Variants in CKAP2L observed in about 807,000 individuals in gnomAD.
CKAP2L encodes the protein cytoskeleton-associated protein 2-like.
CKAP2L carries 42 observed loss-of-function variants against 65.7 expected under a neutral mutation model. The observed-to-expected ratio is 0.64, with a 90% CI of 0.50 to 0.83. The LOEUF is 0.83. CKAP2L is among the 40% of genes least tolerant of loss of function. The pLI, the probability that CKAP2L is intolerant of heterozygous loss-of-function variation, is 0.00. For synonymous variants in CKAP2L, 325 were observed against 313.5 expected (o/e 1.04, Z -0.39); for missense variants, 908 against 871.0 (o/e 1.04, Z -0.53).
chr2:112,738,570 G>C lies in CKAP2L; in HGVS notation c.*253C>G. 2.1e-6 allele frequency: 1 copy of C among 483,980 alleles called. No homozygotes were observed. The highest frequency in any genetic ancestry group is 3.7e-6 in the Non-Finnish European group (1 of 271,970). The allele number at this position is 483,980 out of a possible 1,614,324, so 30.0% of individuals were successfully genotyped here. On this transcript the variant is annotated 3_prime_UTR_variant, in exon 9 of 9. Transcript: ENST00000302450. Reference sequence around the variant, plus strand: ...CAATAAAGTATAAATATTTATCATAGTTGTAGGGTAAATATTCAAAAGTTT... The same window carrying C: ...CAATAAAGTATAAATATTTATCATACTTGTAGGGTAAATATTCAAAAGTTT...
chr2:112,743,203 C>T (rs1173350341), intron 6 of CKAP2L, among the ~76,000 whole-genome samples: 1 of 151,738 alleles, frequency 6.6e-6, no homozygotes, highest in Non-Finnish European at 1.5e-5. Flanking sequence ...AGTGCAGTGG[C>T]GCGATCTCGG....
In CKAP2L at chr2:112,756,739, G is replaced by A; in HGVS notation, c.632C>T (p.Thr211Ile). 2 of 1,599,230 alleles carry A rather than the reference G, an allele frequency of 1.3e-6. No homozygotes were observed. The highest frequency in any genetic ancestry group is 1.7e-6 in the Non-Finnish European group (2 of 1,175,342). The change falls in exon 4 of 9, where the codon ACT (threonine) becomes ATT (isoleucine). Residue 211 changes from threonine (T) to isoleucine (I), a missense_variant. By Grantham distance (89) the Thr-to-Ile change is moderately conservative (BLOSUM62 -1). Transcript: ENST00000302450. ...GTTCTTGGTTTGATTATAAGAGTCA[G>A]TCTTTGGCTTACTTCTGGTATATAA... ...PKLYTRSKPK[T>I]DSYNQTKNSL...
intron 5 of CKAP2L, among the ~76,000 whole-genome samples, chr2:112,748,923 C>A (rs1216151136): frequency 6.6e-6 from 1 of 150,708 alleles, no homozygotes; most frequent in Admixed American, 6.6e-5. Context: ...ATATATTCTG[C>A]AAATCATGTT....
chr2:112,753,695 T>G (rs1490689399), intron 4 of CKAP2L, among the ~76,000 whole-genome samples: 1 of 151,908 alleles, frequency 6.6e-6, no homozygotes, highest in East Asian at 1.9e-4. Context: ...ACCCGGCTAA[T>G]TTTTGTATTT....
intron 6 of CKAP2L, among the ~76,000 whole-genome samples, chr2:112,744,195 T>C (rs1029331821): frequency 6.6e-6 from 1 of 152,224 alleles, no homozygotes. Context: ...TTCTAATCTC[T>C]CTTGAAAATC....
At chr2:112,743,367 C>T (rs1411201868) in intron 6 of CKAP2L, among the ~76,000 whole-genome samples, 2 of 152,066 alleles carry the variant, frequency 1.3e-5, no homozygotes, top group Non-Finnish European at 2.9e-5. Flanking sequence ...TGGTCTCGAT[C>T]TCCTGACATC....
intron 8 of CKAP2L, 61 bp from the exon 9 acceptor site, chr2:112,739,109 T>C: frequency 7.8e-7 from 1 of 1,284,036 alleles, no homozygotes; most frequent in Non-Finnish European, 1.1e-6. Flanking sequence ...TCTTTATTAT[T>C]TTTTGTTTCT....
At chr2:112,755,007 G>A (rs1023993279) in intron 4 of CKAP2L, among the ~76,000 whole-genome samples, 1 of 152,170 alleles carries the variant, frequency 6.6e-6, no homozygotes, top group African/African-American at 2.4e-5. Context: ...TTTACTTACT[G>A]TCTCTTCAGG....
Position 112,738,611 on chromosome 2 carries a change from T to C in CKAP2L, c.*212A>G, listed in dbSNP as rs551638582. 3 of 572,708 alleles carry C rather than the reference T, an allele frequency of 5.2e-6. No individual in the cohort carries two copies. The highest frequency in any genetic ancestry group is 9.3e-6 in the Non-Finnish European group (3 of 323,822). The allele number at this position is 572,708 out of a possible 1,614,324, so 35.5% of individuals were successfully genotyped here. A position where few individuals can be genotyped will look rare whatever the true frequency, so the allele number is the denominator to read the frequency against. On this transcript the variant is annotated 3_prime_UTR_variant, in exon 9 of 9. Coordinates refer to ENST00000302450, the MANE Select transcript of CKAP2L (RefSeq NM_152515.5). ...TCAAAAGTTTGAAATTTATGTATACTGTAAAACTGGCAAACTGGTCTTAAA... is the reference window on the plus strand; with the variant it reads ...TCAAAAGTTTGAAATTTATGTATACCGTAAAACTGGCAAACTGGTCTTAAA...
intron 5 of CKAP2L, among the ~76,000 whole-genome samples, chr2:112,748,430 C>A (rs921194788): frequency 9.2e-5 from 13 of 140,942 alleles, no homozygotes; most frequent in African/African-American, 3.0e-4. Context: ...GAAATTTCCC[C>A]CAGCCAAACT....
chr2:112,764,526 A>G (rs1680840894), intron 1 of CKAP2L, 36 bp downstream of exon 1: 1 of 1,612,922 alleles, frequency 6.2e-7, no homozygotes, highest in Non-Finnish European at 8.5e-7. Context: ...CCGTGTTCCA[A>G]CGCCTGAGAA....
chr2:112,742,507 T>C (rs1370229217), intron 7 of CKAP2L, 199 bp downstream of exon 7: 11 of 718,814 alleles, frequency 1.5e-5, no homozygotes, highest in Non-Finnish European at 2.6e-5. Context: ...ACAACCTTTG[T>C]TCAGTATTGA....
At chr2:112,741,748 G>A (rs887038592) in intron 7 of CKAP2L, among the ~76,000 whole-genome samples, 9 of 151,954 alleles carry the variant, frequency 5.9e-5, no homozygotes, top group African/African-American at 2.2e-4. Flanking sequence ...TGACTTGATT[G>A]TTCCCCAGTT....
chr2:112,764,424 G>A (rs1025645055), intron 1 of CKAP2L, 138 bp downstream of exon 1: 11 of 950,312 alleles, frequency 1.2e-5, no homozygotes, highest in Non-Finnish European at 1.8e-5. Context: ...CTGCGCTCCC[G>A]GGATGGAAAA....
chr2:112,759,317 T>C (rs1367585618), intron 3 of CKAP2L, among the ~76,000 whole-genome samples: 6 of 152,220 alleles, frequency 3.9e-5, no homozygotes, highest in Non-Finnish European at 8.8e-5. Flanking sequence ...AGGTAATGTA[T>C]ATAAACATGT....
At chr2:112,742,276 T>G in intron 7 of CKAP2L, 1 of 674,972 alleles carries the variant, frequency 1.5e-6, no homozygotes, top group African/African-American at 1.8e-5. Context: ...TTATGACCAC[T>G]GACAGTGATG....
At chr2:112,752,030 A>T (rs1680384982) in intron 5 of CKAP2L, among the ~76,000 whole-genome samples, 1 of 152,180 alleles carries the variant, frequency 6.6e-6, no homozygotes. Flanking sequence ...TAAAGTGGTC[A>T]TAGTAACAGT....
chr2:112,738,039 T>A lies in CKAP2L; in HGVS notation c.*784A>T, dbSNP rs1191607670. The A allele has an allele frequency of 6.6e-6, 1 of 152,096 alleles. No homozygotes were observed. Among genetic ancestry groups the A allele is most frequent in the Non-Finnish European group, 1.5e-5 (1 of 68,014 alleles). The allele number at this position is 152,096 out of a possible 1,614,324, so 9.4% of individuals were successfully genotyped here. ...AGGAAGAAAAAGCAACCTACAACAG[T>A]CTCTGGGGCTTGCACTGCCTTCTCA... On this transcript the variant is annotated 3_prime_UTR_variant, in exon 9 of 9. Transcript: ENST00000302450.
At chr2:112,761,374 T>C (rs1432577870) in intron 2 of CKAP2L, among the ~76,000 whole-genome samples, 1 of 139,378 alleles carries the variant, frequency 7.2e-6, no homozygotes, top group Non-Finnish European at 1.5e-5. Context: ...GGCAGGAAAA[T>C]GGCGTGAAAC....
Sources: gnomAD v4.1 joint callset for allele counts (sites outside exome capture counted in the v4.1 genomes callset) on GRCh38, gnomAD v4.1.1 for gene constraint, MANE v1.5 for transcripts, NCBI Gene and HGNC (gene_info 2026-07-23, HGNC 2026-07-21) for gene names.